PMM1: variants seen among roughly 807,000 people sequenced by gnomAD.
PMM1 encodes the protein brain glucose-1,6-bisphosphatase.
A neutral mutation model predicts 34.0 loss-of-function variants in PMM1; 25 were observed. The ratio of observed to expected loss-of-function variants is 0.73; its 90% CI spans 0.54 to 1.03. PMM1 has a LOEUF of 1.03. PMM1 is among the 50% of genes least tolerant of loss of function. The pLI is 0.00. For synonymous variants in PMM1, 134 were observed against 143.9 expected (o/e 0.93, Z 0.49); for missense variants, 321 against 350.1 (o/e 0.92, Z 0.66).
intron 5 of PMM1, 56 bp from the exon 6 acceptor site, chr22:41,578,937 TGGCTG>T: frequency 1.4e-6 from 2 of 1,481,064 alleles, no homozygotes; most frequent in Non-Finnish European, 1.9e-6. Flanking sequence ...TGCCAGGCCC[TGGCTG>T]GGCACACAGT....
Position 41,584,620 on chromosome 22 carries a change from A to G in PMM1, c.206-17T>C. 6.3e-7 allele frequency: 1 copy of G among 1,599,482 alleles called. No homozygotes were observed. Among genetic ancestry groups the G allele is most frequent in the Non-Finnish European group, 8.6e-7 (1 of 1,168,192 alleles). On this transcript the variant is annotated splice_polypyrimidine_tract_variant and intron_variant, in intron 2 of 7. Coordinates refer to ENST00000216259, the MANE Select transcript of PMM1 (RefSeq NM_002676.3). Reference sequence around the variant, plus strand: ...TCTCAATGACTTCAGGGTCACATAGAGGACAGGAGGAAGAAAGAGTGTGAG... The same window carrying G: ...TCTCAATGACTTCAGGGTCACATAGGGGACAGGAGGAAGAAAGAGTGTGAG...
At chr22:41,578,209 C>T (rs1163452520) in intron 6 of PMM1, among the ~76,000 whole-genome samples, 4 of 152,134 alleles carry the variant, frequency 2.6e-5, no homozygotes, top group Non-Finnish European at 2.9e-5. Context: ...ATGGCTGGGG[C>T]GCAAAGTACA....
chr22:41,588,618 G>C, intron 1 of PMM1: 1 of 981,718 alleles, frequency 1.0e-6, no homozygotes, highest in Non-Finnish European at 1.2e-6. Flanking sequence ...GCCTCCCAAA[G>C]TGCTGGGATT....
intron 1 of PMM1, chr22:41,589,248 C>T: frequency 5.4e-6 from 3 of 558,204 alleles, no homozygotes; most frequent in Admixed American, 2.4e-5. Context: ...GGGAAGACTC[C>T]GAGACGCCCT....
intron 5 of PMM1, among the ~76,000 whole-genome samples, chr22:41,583,087 G>C (rs898803689): frequency 9.9e-5 from 15 of 152,032 alleles, no homozygotes; most frequent in African/African-American, 3.4e-4. Flanking sequence ...AGGCACCATA[G>C]CAGGGGGCTA....
At chr22:41,584,919 T>G (rs979177395) in intron 2 of PMM1, 3 of 277,228 alleles carry the variant, frequency 1.1e-5, no homozygotes, top group Non-Finnish European at 6.8e-6. Flanking sequence ...CATGCAGTAC[T>G]CTCTGGCAGA....
At position 41,583,939 on chromosome 22, in the gene PMM1, G is replaced by A; in HGVS notation, c.474+20C>T. 1 of 1,500,242 alleles carries A rather than the reference G, an allele frequency of 6.7e-7. No homozygotes were observed. The allele number at this position is 1,500,242 out of a possible 1,614,324, so 92.9% of individuals were successfully genotyped here. ...AGTGACTGAGGCCCTACAGGCCTAA[G>A]ATTGCATAGCTAGTGGTACCTTGTC... On this transcript the variant is annotated intron_variant, in intron 5 of 7. Coordinates refer to ENST00000216259, the MANE Select transcript of PMM1 (RefSeq NM_002676.3).
In PMM1 at chr22:41,584,553, T is replaced by G; in HGVS notation, c.256A>C (p.Lys86Gln). The G allele has an allele frequency of 6.2e-7, 1 of 1,613,980 alleles. No individual in the cohort carries two copies. Among genetic ancestry groups the G allele is most frequent in the Non-Finnish European group, 8.5e-7 (1 of 1,179,924 alleles). The stretch of plus-strand genomic sequence containing the variant: ...TGCTTGGAGAGCAGTCGTCCGTGCT[T>G]ATACTGCACCGTCCCGTTCTCGGCA... ...VFAENGTVQY[K>Q]HGRLLSKQTI... Residue 86 changes from lysine (K) to glutamine (Q), a missense_variant, in exon 3 of 8, where the codon AAG becomes CAG. Physicochemically the swap from Lys to Gln is moderately conservative, Grantham distance 53 (BLOSUM62 1). Coordinates refer to ENST00000216259, the MANE Select transcript of PMM1 (RefSeq NM_002676.3).
intron 5 of PMM1, among the ~76,000 whole-genome samples, chr22:41,583,757 G>A (rs1225437738): frequency 6.6e-6 from 1 of 152,082 alleles, no homozygotes; most frequent in Admixed American, 6.5e-5. Flanking sequence ...TGGCTGCCTG[G>A]TGCTGGTCAC....
chr22:41,582,999 C>T (rs1385288599), intron 5 of PMM1, among the ~76,000 whole-genome samples: 1 of 151,916 alleles, frequency 6.6e-6, no homozygotes, highest in Admixed American at 6.6e-5. Flanking sequence ...TGGTGTGTTC[C>T]AGGAATAGAA....
At chr22:41,587,259 GACT>G (rs1264201959) in intron 1 of PMM1, among the ~76,000 whole-genome samples, 1 of 141,062 alleles carries the variant, frequency 7.1e-6, no homozygotes, top group Non-Finnish European at 1.5e-5. Context: ...GACAGAGCGA[GACT>G]CCGTCTCAAA....
intron 1 of PMM1, among the ~76,000 whole-genome samples, chr22:41,587,697 C>G (rs1274671372): frequency 6.6e-6 from 1 of 152,100 alleles, no homozygotes; most frequent in Non-Finnish European, 1.5e-5. Flanking sequence ...CAAAAATAGC[C>G]TCACAAAACA....
In PMM1 at chr22:41,577,000, C is replaced by T. The variant is rs995956098; in HGVS notation, c.*318G>A. 28 of 423,778 alleles carry T rather than the reference C, an allele frequency of 6.6e-5. No homozygotes were observed. Among genetic ancestry groups the T allele is most frequent in the Non-Finnish European group, 1.1e-4 (25 of 225,466 alleles). 26.3% of individuals were successfully genotyped at this position (423,778 alleles called of 1,614,324 possible). On this transcript the variant is annotated 3_prime_UTR_variant, in exon 8 of 8. Coordinates refer to ENST00000216259, the MANE Select transcript of PMM1 (RefSeq NM_002676.3). ...GGCAGGCAGGCAGGGCAGGCTAGAT[C>T]TCGTACCGATACTTGAGCACGCCTC... is the stretch of plus-strand genomic sequence containing the variant.
chr22:41,584,275 C>T lies in PMM1; in HGVS notation c.374+6G>A, dbSNP rs757846024. 1.9e-6 allele frequency: 3 copies of T among 1,613,302 alleles called. No homozygotes were observed. Among genetic ancestry groups the T allele is most frequent in the Admixed American group, 1.7e-5 (1 of 59,992 alleles). On this transcript the variant is annotated splice_donor_region_variant and intron_variant, in intron 4 of 7. Transcript: ENST00000216259. ...GGTTCTGGAGACCAGGCTGGTGGGACCTCACCGCTTCTTGGGCAGCCTGAG... is the reference window on the plus strand; with the variant it reads ...GGTTCTGGAGACCAGGCTGGTGGGATCTCACCGCTTCTTGGGCAGCCTGAG...
At chr22:41,586,460 T>C (rs2067308721) in intron 1 of PMM1, 1 of 502,452 alleles carries the variant, frequency 2.0e-6, no homozygotes, top group Non-Finnish European at 3.2e-6. Context: ...ATTGTCTCTA[T>C]GAAAAAAAAA....
At chr22:41,582,921 G>A (rs773450213) in intron 5 of PMM1, among the ~76,000 whole-genome samples, 3 of 152,212 alleles carry the variant, frequency 2.0e-5, no homozygotes, top group South Asian at 2.1e-4. Flanking sequence ...GGAGGGAGGC[G>A]GTGGGGAGAA....
chr22:41,588,470 C>T (rs551739243), intron 1 of PMM1, among the ~76,000 whole-genome samples: 6 of 152,332 alleles, frequency 3.9e-5, no homozygotes, highest in African/African-American at 9.6e-5. Context: ...CTGTCTGCCT[C>T]GGCCTCCCAA....
chr22:41,578,116 G>A (rs2067195485), intron 6 of PMM1, among the ~76,000 whole-genome samples, 193 bp from the exon 7 acceptor site: 1 of 152,240 alleles, frequency 6.6e-6, no homozygotes, highest in African/African-American at 2.4e-5. Flanking sequence ...CCATGAAGTG[G>A]GTGGGGGAAG....
intron 1 of PMM1, among the ~76,000 whole-genome samples, chr22:41,587,281 GA>G (rs1184896331): frequency 3.0e-5 from 4 of 134,738 alleles, no homozygotes; most frequent in Admixed American, 1.5e-4. Flanking sequence ...AAAAAAAAAA[GA>G]AAAAAAAATT....
Sources: gnomAD v4.1 joint callset for allele counts (sites outside exome capture counted in the v4.1 genomes callset) on GRCh38, gnomAD v4.1.1 for gene constraint, MANE v1.5 for transcripts, NCBI Gene and HGNC (gene_info 2026-07-23, HGNC 2026-07-21) for gene names.